Variants in PATJ observed in about 807,000 individuals in gnomAD.
PATJ encodes the protein inaD-like protein.
A neutral mutation model predicts 224.9 loss-of-function variants in PATJ; 190 were observed. The ratio of observed to expected loss-of-function variants is 0.84; its 90% CI spans 0.75 to 0.95. PATJ has a LOEUF of 0.95. PATJ is among the 40% of genes least tolerant of loss of function. PATJ has a pLI of 0.00. For missense variants in PATJ, 2,121 were observed against 2,270.3 expected, an observed-to-expected ratio of 0.93 and a Z score of 1.34; for synonymous variants, 769 against 820.3, an observed-to-expected ratio of 0.94 and a Z score of 1.07.
chr1:61,775,104 C>A, intron 6 of PATJ, 102 bp from the exon 7 acceptor site: 1 of 1,206,202 alleles, frequency 8.3e-7, no homozygotes, highest in Non-Finnish European at 1.1e-6. Flanking sequence ...CATGAATGTT[C>A]AATTTGTTGC....
chr1:62,125,254 C>CAAAAAAAAAAAA (rs779305398), intron 39 of PATJ, among the ~76,000 whole-genome samples: 3 of 71,420 alleles, frequency 4.2e-5, no homozygotes, highest in Admixed American at 1.9e-4. Flanking sequence ...AAAAAAAAAA[C>CAAAAAAAAAAAA]AAAAAAAAAC....
intron 22 of PATJ, among the ~76,000 whole-genome samples, chr1:61,897,560 T>C (rs1670556814): frequency 6.6e-6 from 1 of 152,164 alleles, no homozygotes; most frequent in Non-Finnish European, 1.5e-5. Context: ...GCCACCAATT[T>C]CACCTGTGAA....
chr1:62,078,102 T>G (rs1473476791), intron 31 of PATJ, among the ~76,000 whole-genome samples: 1 of 152,206 alleles, frequency 6.6e-6, no homozygotes, highest in African/African-American at 2.4e-5. Context: ...AGCAGTTACC[T>G]TGGTCCTATT....
At chr1:61,828,053 C>T (rs562439009) in intron 16 of PATJ, among the ~76,000 whole-genome samples, 1 of 152,154 alleles carries the variant, frequency 6.6e-6, no homozygotes, top group Non-Finnish European at 1.5e-5. Context: ...TGGAGACCAG[C>T]CTGACCATCA....
intron 42 of PATJ, among the ~76,000 whole-genome samples, chr1:62,152,514 T>G (rs1313476527): frequency 6.6e-6 from 1 of 151,962 alleles, no homozygotes; most frequent in African/African-American, 2.4e-5. Flanking sequence ...TAGCTGGGCA[T>G]GGTAGTACAC....
intron 6 of PATJ, among the ~76,000 whole-genome samples, chr1:61,774,290 AAAAG>A (rs568357164): frequency 2.0e-5 from 3 of 152,020 alleles, no homozygotes; most frequent in Admixed American, 6.6e-5. Context: ...CCCTGTCTCA[AAAAG>A]AAAGAAAGAA....
intron 21 of PATJ, among the ~76,000 whole-genome samples, chr1:61,876,172 A>G (rs1404864655): frequency 1.3e-5 from 2 of 152,204 alleles, no homozygotes; most frequent in East Asian, 3.9e-4. Context: ...AGTAAATTCT[A>G]AAAAATGGAA....
At chr1:62,100,321 C>T (rs552746197) in intron 33 of PATJ, 1 of 716,804 alleles carries the variant, frequency 1.4e-6, no homozygotes, top group South Asian at 1.5e-5. Flanking sequence ...GTTCACAGTT[C>T]TGGAGGCTGG....
At chr1:61,998,337 G>A (rs771363650) in intron 28 of PATJ, among the ~76,000 whole-genome samples, 18 of 151,632 alleles carry the variant, frequency 1.2e-4, no homozygotes, top group African/African-American at 3.9e-4. Context: ...GCCTGCCTCC[G>A]CCTCCCAAAG....
At chr1:62,065,229 A>G (rs1048383606) in intron 31 of PATJ, among the ~76,000 whole-genome samples, 8 of 152,202 alleles carry the variant, frequency 5.3e-5, no homozygotes, top group Non-Finnish European at 1.0e-4. Context: ...TAGTAAATGA[A>G]GATAATGTAG....
chr1:61,872,644 A>G (rs1666799480), intron 20 of PATJ, among the ~76,000 whole-genome samples: 1 of 152,198 alleles, frequency 6.6e-6, no homozygotes, highest in African/African-American at 2.4e-5. Flanking sequence ...AGGCACCAAC[A>G]TGTCTACAAA....
chr1:62,091,787 G>C (rs1217447408), intron 33 of PATJ, among the ~76,000 whole-genome samples: 1 of 152,116 alleles, frequency 6.6e-6, no homozygotes, highest in Non-Finnish European at 1.5e-5. Context: ...TGGACAGGGT[G>C]GCTCATGCCT....
intron 29 of PATJ, among the ~76,000 whole-genome samples, chr1:62,031,065 A>C (rs560540074): frequency 1.4e-4 from 22 of 152,130 alleles, no homozygotes; most frequent in Non-Finnish European, 2.9e-4. Context: ...CAGCCCCAAA[A>C]CTCATGGCTT....
At chr1:62,159,550 G>A (rs890434883) in intron 43 of PATJ, among the ~76,000 whole-genome samples, 4 of 126,100 alleles carry the variant, frequency 3.2e-5, no homozygotes, top group African/African-American at 9.5e-5. Context: ...ACCTGATTTC[G>A]AATACTTTTT....
intron 27 of PATJ, among the ~76,000 whole-genome samples, chr1:61,957,418 T>C (rs78923535): frequency 0.048 from 7,350 of 152,274 alleles, 590 homozygotes; most frequent in African/African-American, 0.17. Context: ...TATTTGGGAA[T>C]GATGAGCGTT....
intron 33 of PATJ, among the ~76,000 whole-genome samples, chr1:62,092,828 G>A (rs1315163743): frequency 6.6e-6 from 1 of 151,202 alleles, no homozygotes. Context: ...TACGGCCTCC[G>A]CCTCCCAAAT....
chr1:61,748,444 C>T (rs375556990), intron 1 of PATJ, among the ~76,000 whole-genome samples: 8 of 149,618 alleles, frequency 5.3e-5, no homozygotes, highest in South Asian at 4.2e-4. Context: ...TTAGTACAGA[C>T]GGGGTTTCAC....
intron 1 of PATJ, among the ~76,000 whole-genome samples, chr1:61,751,817 C>G (rs1026294639): frequency 6.7e-6 from 1 of 150,194 alleles, no homozygotes; most frequent in African/African-American, 2.5e-5. Flanking sequence ...CAGAGTGAGA[C>G]CCTGTCTCAA....
At chr1:61,748,476 G>T (rs1273231173) in intron 1 of PATJ, among the ~76,000 whole-genome samples, 1 of 147,594 alleles carries the variant, frequency 6.8e-6, no homozygotes, top group African/African-American at 2.5e-5. Flanking sequence ...GGCTGGTCTC[G>T]AACTCCTGAC....
Sources: gnomAD v4.1 joint callset for allele counts (sites outside exome capture counted in the v4.1 genomes callset) on GRCh38, gnomAD v4.1.1 for gene constraint, MANE v1.5 for transcripts, NCBI Gene and HGNC (gene_info 2026-07-23, HGNC 2026-07-21) for gene names.